FOCAD: variants seen among roughly 807,000 people sequenced by gnomAD.
FOCAD encodes the protein focadhesin.
FOCAD carries 198 observed loss-of-function variants against 225.6 expected under a neutral mutation model. That is an observed-to-expected ratio of 0.88 (90% CI 0.78 to 0.99). The LOEUF (loss-of-function observed/expected upper bound fraction) is 0.99. Ranked by LOEUF, FOCAD falls within the 50% of genes least tolerant of loss-of-function variation. FOCAD has a pLI of 0.00. For synonymous variants in FOCAD, 897 were observed against 755.0 expected, an observed-to-expected ratio of 1.19 and a Z score of -3.08; for missense variants, 2,713 against 2,123.6, an observed-to-expected ratio of 1.28 and a Z score of -5.46.
intron 35 of FOCAD, among the ~76,000 whole-genome samples, chr9:20,958,338 C>T (rs1838387580): frequency 6.6e-6 from 1 of 151,288 alleles, no homozygotes; most frequent in Non-Finnish European, 1.5e-5. Context: ...AAGGTCTGAA[C>T]ATCTGTACAT....
At chr9:20,920,138 A>G (rs554287607) in intron 24 of FOCAD, among the ~76,000 whole-genome samples, 18 of 152,346 alleles carry the variant, frequency 1.2e-4, no homozygotes, top group African/African-American at 4.1e-4. Flanking sequence ...CAACCCCATC[A>G]ACAAGTGGGC....
intron 16 of FOCAD, among the ~76,000 whole-genome samples, chr9:20,864,580 G>A (rs1343966155): frequency 1.3e-5 from 2 of 151,990 alleles, no homozygotes; most frequent in Non-Finnish European, 2.9e-5. Flanking sequence ...TGTTCCCAAA[G>A]TTCTTTATAC....
At chr9:20,686,070 C>T (rs1227088142) in intron 1 of FOCAD, among the ~76,000 whole-genome samples, 1 of 152,204 alleles carries the variant, frequency 6.6e-6, no homozygotes, top group African/African-American at 2.4e-5. Flanking sequence ...ATATTGTCCA[C>T]AAGTGATTAG....
intron 22 of FOCAD, among the ~76,000 whole-genome samples, chr9:20,909,921 G>A (rs1489964902): frequency 3.3e-5 from 5 of 151,938 alleles, no homozygotes; most frequent in Admixed American, 3.3e-4. Context: ...GTATTTTTTA[G>A]CATTAAACTA....
chr9:20,792,310 T>A (rs888534430), intron 11 of FOCAD, among the ~76,000 whole-genome samples: 1 of 152,180 alleles, frequency 6.6e-6, no homozygotes. Flanking sequence ...AAAATAAAAG[T>A]GTAAATAGTT....
chr9:20,976,069 A>G (rs960095704), intron 35 of FOCAD, among the ~76,000 whole-genome samples: 5 of 152,170 alleles, frequency 3.3e-5, no homozygotes, highest in African/African-American at 4.8e-5. Context: ...AAGATTTTGA[A>G]TGTTTCAGCA....
At chr9:20,821,821 G>A (rs905548644) in intron 14 of FOCAD, among the ~76,000 whole-genome samples, 1 of 151,878 alleles carries the variant, frequency 6.6e-6, no homozygotes, top group Non-Finnish European at 1.5e-5. Context: ...ACAGCAGTGT[G>A]AATGCTACTC....
In FOCAD at chr9:20,866,959, T is replaced by A. The variant is rs775087151; in HGVS notation, c.2137T>A (p.Ser713Thr). ...AATTGTAGCAAATGCTGCATATAGA[T>A]CCCTGGCCAACTTTAGTGCAGGAGA... is the stretch of plus-strand genomic sequence containing the variant. ...DPIVANAAYR[S>T]LANFSAGEHT... Residue 713 changes from serine to threonine, a missense_variant, in exon 18 of 44, where the codon TCC (serine) becomes ACC (threonine). Transcript: ENST00000338382. 1 of 1,341,556 alleles carries A rather than the reference T, an allele frequency of 7.5e-7. No individual in the cohort carries two copies. Among genetic ancestry groups the A allele is most frequent in the Non-Finnish European group, 1.0e-6 (1 of 990,590 alleles). The allele number at this position is 1,341,556 out of a possible 1,614,324, so 83.1% of individuals were successfully genotyped here. A position where few individuals can be genotyped will look rare whatever the true frequency, so the allele number is the denominator to read the frequency against.
chr9:20,731,982 T>C (rs1030371422), intron 4 of FOCAD, among the ~76,000 whole-genome samples: 62 of 152,208 alleles, frequency 4.1e-4, no homozygotes, highest in African/African-American at 1.3e-3. Flanking sequence ...GGGATACATG[T>C]GCAAGATGTG....
chr9:20,934,506 C>T (rs1026348565), intron 28 of FOCAD, among the ~76,000 whole-genome samples: 4 of 151,868 alleles, frequency 2.6e-5, no homozygotes, highest in Non-Finnish European at 4.4e-5. Context: ...TGTCCTTTAC[C>T]CACTTGATGT....
At chr9:20,854,667 C>G (rs1543679) in intron 15 of FOCAD, among the ~76,000 whole-genome samples, 30 of 151,536 alleles carry the variant, frequency 2.0e-4, no homozygotes, top group African/African-American at 7.2e-4. Context: ...GTATCATTCT[C>G]CCCCAGCAAC....
chr9:20,949,376 G>A (rs1009509859), intron 32 of FOCAD, among the ~76,000 whole-genome samples: 2 of 152,092 alleles, frequency 1.3e-5, no homozygotes, highest in African/African-American at 4.8e-5. Context: ...ATTAAAAGTT[G>A]ATTGAGTGAT....
At chr9:20,844,553 G>A (rs547984332) in intron 15 of FOCAD, among the ~76,000 whole-genome samples, 25 of 151,742 alleles carry the variant, frequency 1.6e-4, no homozygotes, top group African/African-American at 6.0e-4. Context: ...TAGACACAGG[G>A]TTTCACTATG....
At chr9:20,801,522 G>A (rs533894337) in intron 11 of FOCAD, among the ~76,000 whole-genome samples, 1 of 152,134 alleles carries the variant, frequency 6.6e-6, no homozygotes, top group Non-Finnish European at 1.5e-5. Flanking sequence ...TACAAATACA[G>A]TTATTGAGGC....
At chr9:20,882,910 A>C (rs10757154) in intron 20 of FOCAD, among the ~76,000 whole-genome samples, 36,673 of 152,040 alleles carry the variant, frequency 0.24, 4,447 homozygotes, top group Non-Finnish European at 0.26. Context: ...TTAGACTGCC[A>C]ATTAGTGGGG....
chr9:20,929,129 T>C, intron 26 of FOCAD: 1 of 453,002 alleles, frequency 2.2e-6, no homozygotes, highest in South Asian at 3.8e-5. Context: ...GTAATTTGGT[T>C]TTTCAGATTT....
At chr9:20,915,958 G>T (rs1055730798) in intron 23 of FOCAD, among the ~76,000 whole-genome samples, 1 of 152,108 alleles carries the variant, frequency 6.6e-6, no homozygotes, top group Non-Finnish European at 1.5e-5. Context: ...ACATTTTAGA[G>T]AAATTTGCAG....
At chr9:20,837,170 T>C (rs571306351) in intron 15 of FOCAD, among the ~76,000 whole-genome samples, 22 of 152,132 alleles carry the variant, frequency 1.4e-4, no homozygotes, top group Non-Finnish European at 3.1e-4. Context: ...TGGGGGTTTA[T>C]TTTGTGTCTC....
intron 5 of FOCAD, among the ~76,000 whole-genome samples, chr9:20,747,313 G>A (rs1369156106): frequency 1.3e-5 from 2 of 152,082 alleles, no homozygotes; most frequent in Non-Finnish European, 2.9e-5. Flanking sequence ...TATTTTCTAA[G>A]GGAAATCCAA....
Sources: allele counts gnomAD v4.1 joint callset (sites outside exome capture counted in the v4.1 genomes callset), GRCh38; gene constraint gnomAD v4.1.1; transcripts MANE v1.5; gene names NCBI Gene and HGNC (gene_info 2026-07-23, HGNC 2026-07-21).